LTF: variants seen among roughly 807,000 people sequenced by gnomAD.
LTF encodes epididymis luminal protein 110.
A neutral mutation model predicts 87.2 loss-of-function variants in LTF; 91 were observed. The observed-to-expected ratio is 1.04, with a 90% CI of 0.88 to 1.24. The LOEUF (loss-of-function observed/expected upper bound fraction) is 1.24. Among genes scored for constraint, LTF ranks in the 50% most tolerant of loss-of-function variants. The pLI is 0.00. For missense variants in LTF, 901 were observed against 904.3 expected, an observed-to-expected ratio of 1.00 and a Z score of 0.05; for synonymous variants, 378 against 356.1, an observed-to-expected ratio of 1.06 and a Z score of -0.69.
intron 16 of LTF, 69 bp downstream of exon 16, chr3:46,437,871 T>G: frequency 8.2e-7 from 1 of 1,215,708 alleles, no homozygotes; most frequent in South Asian, 1.3e-5. Flanking sequence ...CCTAGAATGC[T>G]GTTTGGCCCT....
chr3:46,454,899 G>A lies in LTF; in HGVS notation c.647+396C>T, dbSNP rs944568796. On this transcript the variant is annotated intron_variant, in intron 5 of 16. Transcript: ENST00000231751. ...AGGACATCAGCCTGGACACTGCAGCGGTCCTGCCCAACCAGGAGCCAGGAC... is the reference window on the plus strand; with the variant it reads ...AGGACATCAGCCTGGACACTGCAGCAGTCCTGCCCAACCAGGAGCCAGGAC... Among the ~76,000 whole-genome samples the A allele has an allele frequency of 1.3e-5, 2 of 152,210 alleles. 1 individual carries two copies.
At position 46,443,599 on chromosome 3, in the gene LTF, C is replaced by T. The variant is rs1000511349; in HGVS notation, c.1514-17G>A. The stretch of plus-strand genomic sequence containing the variant: ...AATATTCATCTGGAGAGAAGGAACA[C>T]GGGGAGTCAGCTCTTCAAACCTGAG... On this transcript the variant is annotated splice_polypyrimidine_tract_variant and intron_variant, in intron 12 of 16. Transcript: ENST00000231751. The T allele has an allele frequency of 3.1e-6, 5 of 1,613,452 alleles. No homozygotes were observed. Among genetic ancestry groups the T allele is most frequent in the East Asian group, 2.2e-5 (1 of 44,898 alleles).
At chr3:46,482,608 A>G (rs986837292) in intron 1 of LTF, among the ~76,000 whole-genome samples, 7 of 114,482 alleles carry the variant, frequency 6.1e-5, no homozygotes, top group African/African-American at 2.1e-4. Flanking sequence ...AAAGAAAGAA[A>G]GAAGAAAGAA....
At chr3:46,484,515 C>A (rs1407254272) in intron 1 of LTF, among the ~76,000 whole-genome samples, 1 of 152,150 alleles carries the variant, frequency 6.6e-6, no homozygotes, top group African/African-American at 2.4e-5. Context: ...ACACCCCTAC[C>A]CTTGCTCCCC....
chr3:46,464,302 C>T (rs1328090016), intron 1 of LTF, among the ~76,000 whole-genome samples: 1 of 152,210 alleles, frequency 6.6e-6, no homozygotes, highest in Non-Finnish European at 1.5e-5. Context: ...CCTCCACAAC[C>T]CTCTGCCACG....
Position 46,445,442 on chromosome 3 carries a change from A to T in LTF, c.1358-6T>A. 1 of 1,608,600 alleles carries T rather than the reference A, an allele frequency of 6.2e-7. No homozygotes were observed. On this transcript the variant is annotated splice_region_variant and splice_polypyrimidine_tract_variant and intron_variant, in intron 11 of 16. Coordinates refer to ENST00000231751, the MANE Select transcript of LTF (RefSeq NM_002343.6). ...CACCGCCACAGCAAGATATCCTGGC[A>T]TAACAGATGACAGAAAAACAAGTCT...
chr3:46,443,376 G>T, intron 13 of LTF, 65 bp downstream of exon 13: 1 of 1,582,008 alleles, frequency 6.3e-7, no homozygotes, highest in Non-Finnish European at 8.7e-7. Flanking sequence ...CCTTAGAACT[G>T]CAATGCTGAC....
intron 1 of LTF, among the ~76,000 whole-genome samples, chr3:46,460,303 T>A (rs749490887): frequency 4.6e-5 from 7 of 152,198 alleles, no homozygotes; most frequent in Middle Eastern, 3.2e-3. Context: ...GTTTTGTGCA[T>A]AAATCTCTTC....
intron 1 of LTF, among the ~76,000 whole-genome samples, chr3:46,461,608 A>G (rs1240837049): frequency 6.6e-6 from 1 of 152,220 alleles, no homozygotes; most frequent in East Asian, 1.9e-4. Flanking sequence ...AAAATAGATT[A>G]GTGGTTGTCT....
At position 46,445,251 on chromosome 3, in the gene LTF, C is replaced by A. The variant is rs764699403; in HGVS notation, c.1513+30G>T. ...ACAATATGCCTACCCTCCAGGGTGG[C>A]CCACCCACCGCACCTTTGGAACTCC... On this transcript the variant is annotated intron_variant, in intron 12 of 16. Transcript: ENST00000231751. 1.4e-5 allele frequency: 22 copies of A among 1,582,436 alleles called. No homozygotes were observed. The Admixed American group carries it at 3.7e-4, about 27-fold the overall frequency.
Position 46,443,449 on chromosome 3 carries a change from C to A in LTF, c.1647G>T (p.Gly549=), listed in dbSNP as rs1702570902. The change falls in exon 13 of 17, where the codon GGG becomes GGT. Residue 549 remains glycine (G), a synonymous_variant. Coordinates refer to ENST00000231751, the MANE Select transcript of LTF (RefSeq NM_002343.6). ...NSNERYYGYT[G]AFRCLAENAG... is the part of the protein sequence containing the mutation. ...CTCAGTCACAGACTCACCGGAAAGC[C>A]CCAGTGTAGCCGTAGTATCTCTCGT... The A allele has an allele frequency of 6.8e-6, 11 of 1,614,156 alleles. No homozygotes were observed. In the East Asian group the frequency reaches 2.2e-4, roughly 33 times the overall value.
At chr3:46,463,256 T>A (rs910091592) in intron 1 of LTF, among the ~76,000 whole-genome samples, 1 of 151,918 alleles carries the variant, frequency 6.6e-6, no homozygotes, top group Non-Finnish European at 1.5e-5. Flanking sequence ...TGCGCTGGCC[T>A]CCAAGGCAGG....
At chr3:46,455,541 C>T in intron 4 of LTF, 99 bp from the exon 5 acceptor site, 2 of 1,435,626 alleles carry the variant, frequency 1.4e-6, no homozygotes, top group Non-Finnish European at 1.9e-6. Context: ...AGGCCCCTTC[C>T]TCCACCCCTG....
At chr3:46,472,857 C>T (rs1703311724) in intron 1 of LTF, among the ~76,000 whole-genome samples, 1 of 152,152 alleles carries the variant, frequency 6.6e-6, no homozygotes, top group African/African-American at 2.4e-5. Flanking sequence ...CTTCCTGCTT[C>T]TTCCCTTTGT....
intron 13 of LTF, chr3:46,441,911 G>C: frequency 8.4e-6 from 1 of 118,624 alleles, no homozygotes; most frequent in Middle Eastern, 3.6e-3. Context: ...GAGAGAGAGA[G>C]AGAGAGAGAG....
intron 1 of LTF, among the ~76,000 whole-genome samples, chr3:46,481,699 C>T (rs978571058): frequency 2.0e-5 from 3 of 152,082 alleles, no homozygotes; most frequent in African/African-American, 2.4e-5. Flanking sequence ...TGCAGGGAGC[C>T]GAGATTGTGC....
intron 2 of LTF, among the ~76,000 whole-genome samples, 167 bp from the exon 3 acceptor site, chr3:46,456,565 C>T (rs757664576): frequency 2.0e-5 from 3 of 152,170 alleles, no homozygotes; most frequent in Non-Finnish European, 2.9e-5. Context: ...CCAAGGACCC[C>T]TGTTTTGGGA....
intron 1 of LTF, among the ~76,000 whole-genome samples, chr3:46,482,555 GA>G (rs1703449426): frequency 9.4e-6 from 1 of 106,342 alleles, no homozygotes; most frequent in Non-Finnish European, 1.8e-5. Context: ...GAAGGGAAGG[GA>G]AGGGAAGGGA....
upstream of LTF, among the ~76,000 whole-genome samples, chr3:46,467,916 C>G (rs1703236325): frequency 6.6e-6 from 1 of 152,176 alleles, no homozygotes; most frequent in Non-Finnish European, 1.5e-5. Flanking sequence ...GGTACTCTTG[C>G]AGGTCCTGAA....
Sources: gnomAD v4.1 joint callset for allele counts (sites outside exome capture counted in the v4.1 genomes callset) on GRCh38, gnomAD v4.1.1 for gene constraint, MANE v1.5 for transcripts, NCBI Gene and HGNC (gene_info 2026-07-23, HGNC 2026-07-21) for gene names.